VWA5B1: variants seen among roughly 807,000 people sequenced by gnomAD.
VWA5B1 encodes von Willebrand factor A domain containing 5B1.
Under a neutral mutation model 118.2 loss-of-function variants are expected in VWA5B1, and 115 were observed. That is an observed-to-expected ratio of 0.97 (90% confidence interval 0.84 to 1.14). The LOEUF is 1.14. Ranked by LOEUF, VWA5B1 falls within the 50% of genes most tolerant of loss-of-function variation. The pLI, the probability that VWA5B1 is intolerant of heterozygous loss-of-function variation, is 0.00. For synonymous variants in VWA5B1, 682 were observed against 658.4 expected, an observed-to-expected ratio of 1.04 and a Z score of -0.55; for missense variants, 1,596 against 1,603.8, an observed-to-expected ratio of 1.00 and a Z score of 0.08.
chr1:20,353,977 C>A lies in VWA5B1; in HGVS notation c.3362C>A (p.Ala1121Asp). 4 of 1,551,762 alleles carry A rather than the reference C, an allele frequency of 2.6e-6. No individual in the cohort carries two copies. Among genetic ancestry groups the A allele is most frequent in the Non-Finnish European group, 3.5e-6 (4 of 1,147,034 alleles). ...GACAGCTTCTCCCTGGAGCCTCTGG[C>A]CAAGGGCAAGCTGGGCCTGGAGCCG... ...SCDSFSLEPL[A>D]KGKLGLEPRA... The change falls in exon 22 of 22, where the codon GCC (alanine) becomes GAC (aspartate). Residue 1121 changes from alanine to aspartate, a missense_variant. By Grantham distance (126) the Ala-to-Asp change is moderately radical. Transcript: ENST00000289815.
intron 1 of VWA5B1, among the ~76,000 whole-genome samples, chr1:20,309,706 A>G (rs887907115): frequency 1.3e-5 from 2 of 152,138 alleles, no homozygotes; most frequent in African/African-American, 4.8e-5. Flanking sequence ...TGTCCAGTTT[A>G]TGTGTCCAGA....
intron 3 of VWA5B1, 147 bp downstream of exon 3, chr1:20,313,135 T>C (rs1253885707): frequency 1.8e-6 from 2 of 1,134,296 alleles, no homozygotes; most frequent in Non-Finnish European, 2.4e-6. Flanking sequence ...GACAGAATCC[T>C]GTGCCACCTT....
chr1:20,342,652 G>A, intron 15 of VWA5B1, 43 bp downstream of exon 15: 6 of 1,441,346 alleles, frequency 4.2e-6, no homozygotes, highest in Non-Finnish European at 5.5e-6. Flanking sequence ...GGACAGGGAG[G>A]AATCACTGGC....
chr1:20,331,293 G>A (rs909026877), intron 11 of VWA5B1, among the ~76,000 whole-genome samples: 4 of 152,194 alleles, frequency 2.6e-5, no homozygotes, highest in Non-Finnish European at 5.9e-5. Context: ...GTCCATATCT[G>A]GACATGTTCC....
chr1:20,340,444 C>T (rs1022529596), intron 14 of VWA5B1, among the ~76,000 whole-genome samples: 7 of 152,160 alleles, frequency 4.6e-5, no homozygotes, highest in African/African-American at 1.7e-4. Context: ...CTCCCACATC[C>T]TTGTACCCTT....
At chr1:20,291,544 C>T (rs1314772149) in intron 1 of VWA5B1, among the ~76,000 whole-genome samples, 1 of 151,886 alleles carries the variant, frequency 6.6e-6, no homozygotes, top group African/African-American at 2.4e-5. Flanking sequence ...CTCCTTCCTC[C>T]CTCTCTCAAC....
chr1:20,359,426 C>CTG lies in VWA5B1; in HGVS notation c.*5173_*5174dup, dbSNP rs1357285156. On this transcript the variant is annotated 3_prime_UTR_variant, in exon 22 of 22. Coordinates refer to ENST00000289815, the MANE Select transcript of VWA5B1 (RefSeq NM_001039500.3). ...ATACTCAGCAAATCCTACCATGGGG[C>CTG]TGTGTGTGTGTCTGTTCTCAAAGAA... 2.0e-5 allele frequency among the ~76,000 whole-genome samples: 3 copies of CTG among 152,068 alleles called. No individual in the cohort carries two copies. Among genetic ancestry groups the CTG allele is most frequent in the Non-Finnish European group, 2.9e-5 (2 of 68,006 alleles).
rs1018164221 is a variant in VWA5B1, at chr1:20,325,192, A to G, written c.1143+1660A>G. Reference sequence around the variant, plus strand: ...TTGCTTCAGAGCTCATTTTCCTTACATTGCTTATGGAGAATTATGCATACT... The same window carrying G: ...TTGCTTCAGAGCTCATTTTCCTTACGTTGCTTATGGAGAATTATGCATACT... On this transcript the variant is annotated intron_variant, in intron 8 of 21. Transcript: ENST00000289815. Among the ~76,000 whole-genome samples the G allele has an allele frequency of 2.6e-5, 4 of 152,314 alleles. No individual in the cohort carries two copies. In the East Asian group the frequency reaches 5.8e-4, roughly 22 times the overall value.
At chr1:20,306,813 G>A (rs149851452) in intron 1 of VWA5B1, among the ~76,000 whole-genome samples, 97 of 152,264 alleles carry the variant, frequency 6.4e-4, no homozygotes, top group Admixed American at 3.4e-3. Flanking sequence ...ATCCAAGTTG[G>A]ACCCAACATT....
At chr1:20,305,214 C>T (rs1225416281) in intron 1 of VWA5B1, among the ~76,000 whole-genome samples, 3 of 151,998 alleles carry the variant, frequency 2.0e-5, no homozygotes, top group Admixed American at 6.5e-5. Context: ...TAGGAATGAG[C>T]GAGTGGTCTT....
Position 20,337,749 on chromosome 1 carries a change from C to T in VWA5B1, c.2046C>T (p.Ala682=), listed in dbSNP as rs1454288624. ...TGGCAAGTGACCCCATGCCAGCTGC[C>T]AAGAGATACCCACTGCGGAAAGCCA... ...ATMASDPMPA[A]KRYPLRKARL... The change falls in exon 14 of 22, where the codon GCC becomes GCT. Residue 682 remains alanine (A), a synonymous_variant. Coordinates refer to ENST00000289815, the MANE Select transcript of VWA5B1 (RefSeq NM_001039500.3). The T allele has an allele frequency of 6.4e-7, 1 of 1,551,786 alleles. No individual in the cohort carries two copies. The highest frequency in any genetic ancestry group is 8.7e-7 in the Non-Finnish European group (1 of 1,147,002).
chr1:20,348,345 G>C lies in VWA5B1; in HGVS notation c.2865G>C (p.Ser955=). The C allele has an allele frequency of 6.4e-7, 1 of 1,551,572 alleles. No individual in the cohort carries two copies. The highest frequency in any genetic ancestry group is 8.7e-7 in the Non-Finnish European group (1 of 1,146,998). The change falls in exon 18 of 22, where the codon TCG becomes TCC. Residue 955 remains serine (S), a synonymous_variant. Coordinates refer to ENST00000289815, the MANE Select transcript of VWA5B1 (RefSeq NM_001039500.3). ...CGCAGACGATGCTTGGAGAAGATTCGGCACCAGGAAATGGTAAATTTCAGG... is the reference window on the plus strand; with the variant it reads ...CGCAGACGATGCTTGGAGAAGATTCCGCACCAGGAAATGGTAAATTTCAGG... ...GRPQTMLGED[S]APGNDMEASP...
rs1250868173 is a variant in VWA5B1 at position 20,317,418 on chromosome 1, C to G, written c.564-112C>G. 2.8e-6 allele frequency: 4 copies of G among 1,420,184 alleles called. No individual in the cohort carries two copies. In the African/African-American group the frequency reaches 4.3e-5, roughly 15 times the overall value. 88.0% of individuals were successfully genotyped at this position (1,420,184 alleles called of 1,614,324 possible). A position where few individuals can be genotyped will look rare whatever the true frequency, so the allele number is the denominator to read the frequency against. ...AGTGGGAGAGCACGGGTCTGGGGGC[C>G]CCCTTGGTGGGCTGGGCTGCCTGGA... is the stretch of plus-strand genomic sequence containing the variant. On this transcript the variant is annotated intron_variant, in intron 4 of 21. Transcript: ENST00000289815.
At chr1:20,294,489 T>G (rs2088368306) in intron 1 of VWA5B1, 1 of 152,446 alleles carries the variant, frequency 6.6e-6, no homozygotes, top group African/African-American at 2.4e-5. Flanking sequence ...ATTTATTTAT[T>G]TATTTTTGAG....
At position 20,354,285 on chromosome 1, in the gene VWA5B1, T is replaced by C; in HGVS notation, c.*22T>C. The C allele has an allele frequency of 7.3e-7, 1 of 1,375,408 alleles. No individual in the cohort carries two copies. Among genetic ancestry groups the C allele is most frequent in the Non-Finnish European group, 9.8e-7 (1 of 1,016,746 alleles). The allele number at this position is 1,375,408 out of a possible 1,614,324, so 85.2% of individuals were successfully genotyped here. ...GTAGTTGAGTGACGGGGAGGCTGGG[T>C]GGAGGGAAGGGTGGGGAGGAGAGGG... On this transcript the variant is annotated 3_prime_UTR_variant, in exon 22 of 22. Coordinates refer to ENST00000289815, the MANE Select transcript of VWA5B1 (RefSeq NM_001039500.3).
intron 20 of VWA5B1, 30 bp downstream of exon 20, chr1:20,350,956 C>T: frequency 5.8e-6 from 9 of 1,546,806 alleles, no homozygotes; most frequent in Non-Finnish European, 7.9e-6. Context: ...AAGGTACACT[C>T]TCCTGCCACC....
At position 20,345,590 on chromosome 1, in the gene VWA5B1, T is replaced by C; in HGVS notation, c.2761T>C (p.Ser921Pro). 5.2e-6 allele frequency: 8 copies of C among 1,546,830 alleles called. No individual in the cohort carries two copies. The highest frequency in any genetic ancestry group is 7.0e-6 in the Non-Finnish European group (8 of 1,144,658). ...YLPTVVEYPN[S>P]GAALRMLGSR... is the part of the protein sequence containing the mutation. ...GCCCACCGTGGTGGAGTACCCCAAC[T>C]CTGGTAAGGCAGGCGAGCGGCCGGG... The change falls in exon 17 of 22, where the codon TCT (serine) becomes CCT (proline). Residue 921 changes from serine to proline, a missense_variant. Coordinates refer to ENST00000289815, the MANE Select transcript of VWA5B1 (RefSeq NM_001039500.3).
intron 17 of VWA5B1, among the ~76,000 whole-genome samples, chr1:20,346,384 C>A (rs148044882): frequency 7.6e-4 from 116 of 152,312 alleles, no homozygotes; most frequent in African/African-American, 2.7e-3. Flanking sequence ...TTCTTCCACT[C>A]CTTTCTACTG....
intron 12 of VWA5B1, among the ~76,000 whole-genome samples, chr1:20,335,208 T>C (rs764081296): frequency 6.6e-6 from 1 of 152,078 alleles, no homozygotes; most frequent in Non-Finnish European, 1.5e-5. Context: ...CCAACTACTC[T>C]GGAAGCTGAG....
Sources: gnomAD v4.1 joint callset for allele counts (sites outside exome capture counted in the v4.1 genomes callset) on GRCh38, gnomAD v4.1.1 for gene constraint, MANE v1.5 for transcripts, NCBI Gene and HGNC (gene_info 2026-07-23, HGNC 2026-07-21) for gene names.